Variants in GOT1 observed in about 807,000 individuals in gnomAD.
The protein encoded by GOT1 is aspartate aminotransferase, cytoplasmic.
GOT1 carries 25 observed loss-of-function variants against 48.2 expected under a neutral mutation model. That is an observed-to-expected ratio of 0.52 (90% CI 0.38 to 0.72). The LOEUF is 0.72. Ranked by LOEUF, GOT1 falls within the 30% of genes least tolerant of loss-of-function variation. The probability of loss-of-function intolerance (pLI) is 0.00; values close to 1 mark genes in which losing one functional copy is unlikely to be tolerated. For synonymous variants in GOT1, 188 were observed against 193.8 expected (o/e 0.97, Z 0.25); for missense variants, 380 against 520.1 (o/e 0.73, Z 2.62).
chr10:99,409,306 T>G (rs887293054), intron 2 of GOT1, among the ~76,000 whole-genome samples: 1 of 151,778 alleles, frequency 6.6e-6, no homozygotes, highest in Non-Finnish European at 1.5e-5. Flanking sequence ...CTAATTTTTG[T>G]GTTTTTAGTA....
Position 99,425,103 on chromosome 10 carries a change from C to G in GOT1, c.119-4298G>C, listed in dbSNP as rs532803421. On this transcript the variant is annotated intron_variant, in intron 1 of 8. Coordinates refer to ENST00000370508, the MANE Select transcript of GOT1 (RefSeq NM_002079.3). Reference sequence around the variant, plus strand: ...CAAGAAACACAGAGCATAGATAGAGCCTTTAATTCTAATTTGAGGAATCAG... The same window carrying G: ...CAAGAAACACAGAGCATAGATAGAGGCTTTAATTCTAATTTGAGGAATCAG... Among the ~76,000 whole-genome samples, 101 of 152,150 alleles carry G rather than the reference C, an allele frequency of 6.6e-4. No homozygotes were observed. In the Middle Eastern group the frequency reaches 0.01, roughly 15 times the overall value.
At chr10:99,398,997 A>T (rs953516820) in intron 8 of GOT1, among the ~76,000 whole-genome samples, 4 of 152,258 alleles carry the variant, frequency 2.6e-5, no homozygotes, top group East Asian at 3.9e-4. Context: ...GGAAGTGAAA[A>T]ATCTGGACCC....
chr10:99,399,433 A>G (rs1272235730), intron 8 of GOT1, among the ~76,000 whole-genome samples: 1 of 152,176 alleles, frequency 6.6e-6, no homozygotes, highest in East Asian at 1.9e-4. Flanking sequence ...TCATCTGGCC[A>G]TTTATTTGAG....
At chr10:99,424,407 G>C (rs1210005898) in intron 1 of GOT1, among the ~76,000 whole-genome samples, 1 of 152,134 alleles carries the variant, frequency 6.6e-6, no homozygotes. Flanking sequence ...AGAAATCTTG[G>C]AACAAGAAAA....
At chr10:99,420,008 A>C (rs1032941882) in intron 2 of GOT1, among the ~76,000 whole-genome samples, 1 of 152,212 alleles carries the variant, frequency 6.6e-6, no homozygotes, top group Non-Finnish European at 1.5e-5. Flanking sequence ...GCTGAGATCA[A>C]CAGTAGAAGT....
At chr10:99,420,079 C>T (rs1450465612) in intron 2 of GOT1, among the ~76,000 whole-genome samples, 8 of 152,172 alleles carry the variant, frequency 5.3e-5, no homozygotes, top group Non-Finnish European at 1.5e-5. Context: ...CTCCTGAACC[C>T]TTGAAGGGCC....
chr10:99,400,656 A>C (rs1025999521), intron 8 of GOT1, among the ~76,000 whole-genome samples: 1 of 142,424 alleles, frequency 7.0e-6, no homozygotes, highest in African/African-American at 2.7e-5. Context: ...AACAAACAAA[A>C]AAGGCCAGGC....
Position 99,403,705 on chromosome 10 carries a change from T to A in GOT1, c.793+19A>T, listed in dbSNP as rs1168415623. 4 of 1,614,030 alleles carry A rather than the reference T, an allele frequency of 2.5e-6. No homozygotes were observed. The Admixed American group carries it at 6.7e-5, about 27-fold the overall frequency. On this transcript the variant is annotated intron_variant, in intron 6 of 8. Coordinates refer to ENST00000370508, the MANE Select transcript of GOT1 (RefSeq NM_002079.3). Reference sequence around the variant, plus strand: ...TGATGCGAGGAGGTGGGGCTGTAACTCCTCAGGAGAGCACTCACTGTAGAG... The same window carrying A: ...TGATGCGAGGAGGTGGGGCTGTAACACCTCAGGAGAGCACTCACTGTAGAG...
Position 99,403,945 on chromosome 10 carries a change from C to T in GOT1, c.643-71G>A, listed in dbSNP as rs961835986. 1.7e-5 allele frequency: 24 copies of T among 1,447,284 alleles called. No individual in the cohort carries two copies. In the Admixed American group the frequency reaches 1.7e-4, roughly 10 times the overall value. 89.7% of individuals were successfully genotyped at this position (1,447,284 alleles called of 1,614,324 possible). On this transcript the variant is annotated intron_variant, in intron 5 of 8. Coordinates refer to ENST00000370508, the MANE Select transcript of GOT1 (RefSeq NM_002079.3). ...CAACCTCAGACACCGGCCTTCCTTC[C>T]CCAGCTGATGCCTGGAGGGAATTTC...
rs769433983 is a variant in GOT1, at chr10:99,402,572, C to T, written c.1102+8G>A. On this transcript the variant is annotated splice_region_variant and intron_variant, in intron 8 of 8. Coordinates refer to ENST00000370508, the MANE Select transcript of GOT1 (RefSeq NM_002079.3). ...ACGCATGGGCTGGAGGTGGTGGGGGCCACTTACGGTTCAACCCAGTGAAGC... is the reference window on the plus strand; with the variant it reads ...ACGCATGGGCTGGAGGTGGTGGGGGTCACTTACGGTTCAACCCAGTGAAGC... 1.2e-6 allele frequency: 2 copies of T among 1,614,030 alleles called. No individual in the cohort carries two copies. The highest frequency in any genetic ancestry group is 1.7e-6 in the Non-Finnish European group (2 of 1,179,942).
At chr10:99,418,293 T>A (rs1263002886) in intron 2 of GOT1, among the ~76,000 whole-genome samples, 1 of 151,966 alleles carries the variant, frequency 6.6e-6, no homozygotes, top group South Asian at 2.1e-4. Flanking sequence ...CCTTAAGTCT[T>A]ACAGTGTAAG....
At chr10:99,399,549 T>C (rs1212928239) in intron 8 of GOT1, among the ~76,000 whole-genome samples, 1 of 152,036 alleles carries the variant, frequency 6.6e-6, no homozygotes. Context: ...GGAGGGAGGA[T>C]TGCTTGAGCC....
chr10:99,423,550 T>C (rs985048924), intron 1 of GOT1, among the ~76,000 whole-genome samples: 1 of 152,240 alleles, frequency 6.6e-6, no homozygotes, highest in African/African-American at 2.4e-5. Context: ...GGCTACAGAC[T>C]GACAGAGCCA....
intron 1 of GOT1, among the ~76,000 whole-genome samples, chr10:99,428,102 T>C (rs940809132): frequency 2.0e-5 from 3 of 152,222 alleles, no homozygotes; most frequent in African/African-American, 4.8e-5. Context: ...AGCAGTTTAT[T>C]TCTGAACCAA....
intron 8 of GOT1, among the ~76,000 whole-genome samples, chr10:99,399,574 C>G (rs535387351): frequency 6.6e-6 from 1 of 152,044 alleles, no homozygotes; most frequent in African/African-American, 2.4e-5. Context: ...AGTTGACGAC[C>G]AGCCTGGGCA....
intron 7 of GOT1, among the ~76,000 whole-genome samples, 160 bp downstream of exon 7, chr10:99,403,309 A>G (rs1189131782): frequency 6.6e-6 from 1 of 152,122 alleles, no homozygotes; most frequent in Non-Finnish European, 1.5e-5. Flanking sequence ...TGTGAGGTAG[A>G]TATCAGCCCC....
chr10:99,401,427 G>A (rs946001162), intron 8 of GOT1, among the ~76,000 whole-genome samples: 2 of 152,032 alleles, frequency 1.3e-5, no homozygotes, highest in Admixed American at 6.6e-5. Flanking sequence ...ACCTCCCCAC[G>A]GCCTCTGCCG....
intron 1 of GOT1, among the ~76,000 whole-genome samples, chr10:99,422,946 G>C (rs577106308): frequency 1.1e-3 from 160 of 152,328 alleles, no homozygotes; most frequent in African/African-American, 3.6e-3. Flanking sequence ...ATACTTCAGT[G>C]AACGACCCTG....
chr10:99,409,554 G>A (rs17111665), intron 2 of GOT1, among the ~76,000 whole-genome samples: 6,415 of 152,214 alleles, frequency 0.042, 159 homozygotes, highest in Middle Eastern at 0.068. Context: ...GACCTAGATC[G>A]TACCTTGATA....
Sources: gnomAD v4.1 joint callset for allele counts (sites outside exome capture counted in the v4.1 genomes callset) on GRCh38, gnomAD v4.1.1 for gene constraint, MANE v1.5 for transcripts, NCBI Gene and HGNC (gene_info 2026-07-23, HGNC 2026-07-21) for gene names.